Variants in WDR7 observed in about 807,000 individuals in gnomAD.
WDR7 encodes WD repeat-containing protein 7.
Under a neutral mutation model 169.4 loss-of-function variants are expected in WDR7, and 46 were observed. The ratio of observed to expected loss-of-function variants is 0.27; its 90% confidence interval spans 0.21 to 0.35. WDR7 has a LOEUF of 0.35. Ranked by LOEUF, WDR7 falls within the 10% of genes least tolerant of loss-of-function variation. WDR7 has a pLI of 1.00. For synonymous variants in WDR7, 612 were observed against 666.8 expected (o/e 0.92, Z 1.27); for missense variants, 1,534 against 1,859.3 (o/e 0.83, Z 3.22).
chr18:56,828,221 G>A (rs548846049), intron 20 of WDR7, among the ~76,000 whole-genome samples: 32 of 152,268 alleles, frequency 2.1e-4, no homozygotes, highest in Non-Finnish European at 2.4e-4. Flanking sequence ...AAGTTGGCTC[G>A]TGAAATATTG....
chr18:56,676,973 T>C (rs2025258488), intron 2 of WDR7, among the ~76,000 whole-genome samples: 2 of 152,158 alleles, frequency 1.3e-5, no homozygotes, highest in Admixed American at 1.3e-4. Flanking sequence ...TCTTGAAACG[T>C]TGTAGTTATT....
intron 9 of WDR7, among the ~76,000 whole-genome samples, chr18:56,693,877 T>C (rs181344180): frequency 6.6e-6 from 1 of 152,004 alleles, no homozygotes; most frequent in Non-Finnish European, 1.5e-5. Context: ...CAGCCTACTT[T>C]TTGTTTTTTT....
intron 27 of WDR7, among the ~76,000 whole-genome samples, chr18:57,024,688 T>C (rs914642485): frequency 7.1e-5 from 10 of 140,408 alleles, no homozygotes; most frequent in African/African-American, 2.6e-4. Flanking sequence ...AATAGGGATA[T>C]GTGAACTATG....
intron 20 of WDR7, among the ~76,000 whole-genome samples, chr18:56,821,483 A>G (rs2045095224): frequency 6.6e-6 from 1 of 152,082 alleles, no homozygotes; most frequent in South Asian, 2.1e-4. Flanking sequence ...CTTAAGCCCT[A>G]CTCTGCACTG....
chr18:56,795,905 T>C (rs2044576886), intron 19 of WDR7, among the ~76,000 whole-genome samples: 1 of 152,222 alleles, frequency 6.6e-6, no homozygotes, highest in Admixed American at 6.5e-5. Context: ...CATTCATTTG[T>C]TTCATTTTAG....
At chr18:56,885,776 G>A (rs1471205467) in intron 21 of WDR7, among the ~76,000 whole-genome samples, 2 of 149,722 alleles carry the variant, frequency 1.3e-5, no homozygotes, top group African/African-American at 4.9e-5. Flanking sequence ...GCAGTGAGCC[G>A]AGATCACGCC....
intron 26 of WDR7, among the ~76,000 whole-genome samples, chr18:56,987,352 G>A (rs973000305): frequency 2.8e-5 from 4 of 141,022 alleles, no homozygotes; most frequent in Non-Finnish European, 6.1e-5. Flanking sequence ...ACAACCTTTC[G>A]ACCACAATTT....
At chr18:56,809,907 T>C (rs2044839866) in intron 19 of WDR7, among the ~76,000 whole-genome samples, 1 of 152,122 alleles carries the variant, frequency 6.6e-6, no homozygotes, top group Non-Finnish European at 1.5e-5. Context: ...TTCACTGTTC[T>C]AAAAATTTTG....
In WDR7 at chr18:56,706,988, A is replaced by ATT. The variant is rs11381699; in HGVS notation, c.1578+10536_1578+10537dup. 8.0e-3 allele frequency among the ~76,000 whole-genome samples: 1,153 copies of ATT among 144,590 alleles called. 6 individuals carry two copies. The highest frequency in any genetic ancestry group is 0.021 in the African/African-American group (801 of 38,482). The allele number at this position is 144,590 out of a possible 152,430, so 94.9% of individuals were successfully genotyped here. A position where few individuals can be genotyped will look rare whatever the true frequency, so the allele number is the denominator to read the frequency against. On this transcript the variant is annotated intron_variant, in intron 12 of 27. Transcript: ENST00000254442. The stretch of plus-strand genomic sequence containing the variant: ...AGCCACTGTGCCCCGCCAAATTTTT[A>ATT]TTTTTTTTTTTGAGAGAGAGTCTCA...
In WDR7 at chr18:56,756,932, A is replaced by G. The variant is rs1219180241; in HGVS notation, c.2339A>G (p.Tyr780Cys). ...RQRREESDPE[Y>C]RSSKSKPLTL... The stretch of plus-strand genomic sequence containing the variant: ...AGAAGGGAAGAAAGTGATCCTGAAT[A>G]TCGGTCCAGCAAATCAAAGCCATTG... The change falls in exon 15 of 28, where the codon TAT becomes TGT. Residue 780 changes from tyrosine (Y) to cysteine (C), a missense_variant. Physicochemically the swap from Tyr to Cys is radical, Grantham distance 194 (BLOSUM62 -2). Coordinates refer to ENST00000254442, the MANE Select transcript of WDR7 (RefSeq NM_015285.3). 6.2e-7 allele frequency: 1 copy of G among 1,614,164 alleles called. No individual in the cohort carries two copies. The highest frequency in any genetic ancestry group is 8.5e-7 in the Non-Finnish European group (1 of 1,180,020).
At position 56,707,140 on chromosome 18, in the gene WDR7, C is replaced by T. The variant is rs544772644; in HGVS notation, c.1578+10678C>T. Among the ~76,000 whole-genome samples, 10 of 152,116 alleles carry T rather than the reference C, an allele frequency of 6.6e-5. No individual in the cohort carries two copies. In the South Asian group the frequency reaches 2.1e-3, roughly 32 times the overall value. On this transcript the variant is annotated intron_variant, in intron 12 of 27. Transcript: ENST00000254442. Reference sequence around the variant, plus strand: ...GGATTACAGGCGCGCACCACCACACCCAGCTAATTTTTTTATGTTTTTAGT... The same window carrying T: ...GGATTACAGGCGCGCACCACCACACTCAGCTAATTTTTTTATGTTTTTAGT...
intron 26 of WDR7, among the ~76,000 whole-genome samples, chr18:56,988,328 T>C (rs976164196): frequency 2.0e-5 from 3 of 152,180 alleles, no homozygotes; most frequent in African/African-American, 7.2e-5. Flanking sequence ...TTGCTGCTCA[T>C]TGATATCATT....
At chr18:56,668,431 C>A (rs1036497309) in intron 1 of WDR7, among the ~76,000 whole-genome samples, 1 of 152,180 alleles carries the variant, frequency 6.6e-6, no homozygotes, top group African/African-American at 2.4e-5. Flanking sequence ...GTTAGGGAAT[C>A]CATCTTTTGT....
chr18:56,970,699 TCA>T (rs2047471922), intron 26 of WDR7, among the ~76,000 whole-genome samples: 1 of 152,212 alleles, frequency 6.6e-6, no homozygotes, highest in Non-Finnish European at 1.5e-5. Context: ...ACATTAGGGT[TCA>T]CTCTCCGTGT....
intron 20 of WDR7, among the ~76,000 whole-genome samples, chr18:56,851,795 T>TA (rs2045644500): frequency 6.6e-6 from 1 of 152,228 alleles, no homozygotes; most frequent in South Asian, 2.1e-4. Flanking sequence ...GGTACAGTAT[T>TA]AAAGTTTAAC....
chr18:56,896,331 C>T (rs2046332437), intron 21 of WDR7, among the ~76,000 whole-genome samples: 1 of 151,686 alleles, frequency 6.6e-6, no homozygotes, highest in South Asian at 2.1e-4. Flanking sequence ...TTGAACTTGG[C>T]ATGCTGATTC....
Position 56,731,489 on chromosome 18 carries a change from C to T in WDR7, c.1881C>T (p.Asn627=). The change falls in exon 14 of 28, where the codon AAC becomes AAT. Residue 627 remains asparagine (N), a synonymous_variant. Transcript: ENST00000254442. ...ATTCACTTAGTCATCCAGCAGTCAA[C>T]CTAAAACAAGCTATGACGAGACGTA... The part of the protein sequence containing the change: ...AVDSLSHPAV[N]LKQAMTRRSL... 4 of 1,614,104 alleles carry T rather than the reference C, an allele frequency of 2.5e-6. No individual in the cohort carries two copies. The highest frequency in any genetic ancestry group is 1.7e-6 in the Non-Finnish European group (2 of 1,180,012).
intron 21 of WDR7, among the ~76,000 whole-genome samples, chr18:56,912,024 C>G (rs1266273789): frequency 2.0e-5 from 3 of 152,282 alleles, no homozygotes; most frequent in African/African-American, 7.2e-5. Flanking sequence ...TGGGGAGGTA[C>G]ATTGACACCA....
intron 12 of WDR7, among the ~76,000 whole-genome samples, chr18:56,698,276 A>G (rs1030640478): frequency 2.6e-5 from 4 of 151,974 alleles, no homozygotes; most frequent in African/African-American, 9.7e-5. Flanking sequence ...TTTAGCTTAT[A>G]TATTCCCTTG....
Sources: allele counts gnomAD v4.1 joint callset (sites outside exome capture counted in the v4.1 genomes callset), GRCh38; gene constraint gnomAD v4.1.1; transcripts MANE v1.5; gene names NCBI Gene and HGNC (gene_info 2026-07-23, HGNC 2026-07-21).